The following VCAN variants were observed in gnomAD, a reference collection of about 807,000 sequenced individuals.
VCAN encodes versican.
Under a neutral mutation model 245.5 loss-of-function variants are expected in VCAN, and 44 were observed. The observed-to-expected ratio is 0.18, with a 90% CI of 0.14 to 0.23. VCAN has a LOEUF of 0.23. Among genes scored for constraint, VCAN ranks in the 10% least tolerant of loss-of-function variants. The pLI is 1.00. For missense variants in VCAN, 3,793 were observed against 4,057.9 expected, an observed-to-expected ratio of 0.93 and a Z score of 1.77; for synonymous variants, 1,413 against 1,437.0, an observed-to-expected ratio of 0.98 and a Z score of 0.38.
In VCAN at chr5:83,496,289, A is replaced by T. The variant is rs183531999; in HGVS notation, c.748+2358A>T. Reference sequence around the variant, plus strand: ...CGTCCTCTCCCACTTCCATAAACACAATCACTTCTAAAGAAGCCAGTTTGT... The same window carrying T: ...CGTCCTCTCCCACTTCCATAAACACTATCACTTCTAAAGAAGCCAGTTTGT... On this transcript the variant is annotated intron_variant, in intron 5 of 14. Transcript: ENST00000265077. Among the ~76,000 whole-genome samples the T allele has an allele frequency of 8.8e-4, 134 of 152,342 alleles. 1 individual carries two copies. Among genetic ancestry groups the T allele is most frequent in the Non-Finnish European group, 1.6e-3 (110 of 68,038 alleles).
At chr5:83,506,178 T>A (rs965304106) in intron 5 of VCAN, among the ~76,000 whole-genome samples, 1 of 152,248 alleles carries the variant, frequency 6.6e-6, no homozygotes, top group Non-Finnish European at 1.5e-5. Flanking sequence ...TTGCTACTTA[T>A]GCAAATTTCT....
At chr5:83,512,049 G>T in intron 5 of VCAN, 54 bp from the exon 6 acceptor site, 1 of 1,609,286 alleles carries the variant, frequency 6.2e-7, no homozygotes, top group Non-Finnish European at 8.5e-7. Flanking sequence ...TTATCCAACA[G>T]GAAAGGAATG....
At chr5:83,514,921 C>T (rs984684771) in intron 6 of VCAN, among the ~76,000 whole-genome samples, 2 of 152,176 alleles carry the variant, frequency 1.3e-5, no homozygotes, top group African/African-American at 2.4e-5. Flanking sequence ...ATACAGCTGG[C>T]TGGTTATGTA....
chr5:83,533,037 T>C (rs1746579888), intron 7 of VCAN, among the ~76,000 whole-genome samples: 1 of 152,140 alleles, frequency 6.6e-6, no homozygotes, highest in Non-Finnish European at 1.5e-5. Context: ...ATGCATCCCA[T>C]AACATCATAT....
At position 83,521,864 on chromosome 5, in the gene VCAN, A is replaced by G. The variant is rs766638794; in HGVS notation, c.3558A>G (p.Glu1186=). 6.2e-7 allele frequency: 1 copy of G among 1,614,160 alleles called. No homozygotes were observed. Among genetic ancestry groups the G allele is most frequent in the South Asian group, 1.1e-5 (1 of 91,076 alleles). The part of the protein sequence containing the change: ...EDIDLGSGLF[E]KPKATELIEF... ...TTGATTTAGGCTCAGGATTATTTGAAAAGCCCAAAGCCACAGAACTCATAG... is the reference window on the plus strand; with the variant it reads ...TTGATTTAGGCTCAGGATTATTTGAGAAGCCCAAAGCCACAGAACTCATAG... Residue 1186 remains glutamate (E), a synonymous_variant, in exon 7 of 15, where the codon GAA becomes GAG. Transcript: ENST00000265077.
chr5:83,519,564 G>A lies in VCAN; in HGVS notation c.1258G>A (p.Ala420Thr). 6.2e-7 allele frequency: 1 copy of A among 1,614,134 alleles called. No homozygotes were observed. Among genetic ancestry groups the A allele is most frequent in the Non-Finnish European group, 8.5e-7 (1 of 1,179,990 alleles). Residue 420 changes from alanine (A) to threonine (T), a missense_variant, in exon 7 of 15, where the codon GCC (alanine) becomes ACC (threonine). Physicochemically the swap from Ala to Thr is moderately conservative, Grantham distance 58. Coordinates refer to ENST00000265077, the MANE Select transcript of VCAN (RefSeq NM_004385.5). ...VQPQAITDSL[A>T]TKLPTPTGST... Reference sequence around the variant, plus strand: ...ACCTCAGGCTATCACAGATAGTTTAGCCACCAAATTACCCACACCTACTGG... The same window carrying A: ...ACCTCAGGCTATCACAGATAGTTTAACCACCAAATTACCCACACCTACTGG...
At chr5:83,530,354 C>T (rs1026806650) in intron 7 of VCAN, among the ~76,000 whole-genome samples, 8 of 151,978 alleles carry the variant, frequency 5.3e-5, no homozygotes, top group Non-Finnish European at 1.5e-5. Flanking sequence ...CAAGGAAACC[C>T]CCAGTTCTCT....
chr5:83,473,252 C>G (rs1744258868), intron 1 of VCAN, among the ~76,000 whole-genome samples: 1 of 152,126 alleles, frequency 6.6e-6, no homozygotes, highest in Non-Finnish European at 1.5e-5. Context: ...GGGCGTGGAG[C>G]GGTCTGGGTG....
intron 1 of VCAN, among the ~76,000 whole-genome samples, chr5:83,472,996 G>T (rs1744249547): frequency 6.6e-6 from 1 of 152,182 alleles, no homozygotes; most frequent in South Asian, 2.1e-4. Flanking sequence ...CAGTCCTCTC[G>T]CCCAGACTAC....
intron 7 of VCAN, among the ~76,000 whole-genome samples, chr5:83,525,166 A>G (rs1417880255): frequency 1.3e-5 from 2 of 151,646 alleles, no homozygotes; most frequent in African/African-American, 2.4e-5. Context: ...GGGCAACTGT[A>G]GTTAGCAGTT....
In VCAN at chr5:83,540,322, A is replaced by T; in HGVS notation, c.7319A>T (p.Asp2440Val). The T allele has an allele frequency of 6.2e-7, 1 of 1,614,056 alleles. No homozygotes were observed. Among genetic ancestry groups the T allele is most frequent in the South Asian group, 1.1e-5 (1 of 91,074 alleles). The change falls in exon 8 of 15, where the codon GAT becomes GTT. Residue 2440 changes from aspartate (D) to valine (V), a missense_variant. Asp to Val is a radical substitution (Grantham distance 152, BLOSUM62 -3). This residue lies in a region of VCAN where 3,182 missense variants were observed against 3,250.3 expected (regional missense o/e 0.98). Coordinates refer to ENST00000265077, the MANE Select transcript of VCAN (RefSeq NM_004385.5). ...GGATCTGGAGAAGTGGATATTGTTGATTCATTTCACACTTCTGCAACTACT... is the reference window on the plus strand; with the variant it reads ...GGATCTGGAGAAGTGGATATTGTTGTTTCATTTCACACTTCTGCAACTACT... ...GEGSGEVDIV[D>V]SFHTSATTQA... is the part of the protein sequence containing the mutation.
chr5:83,553,508 A>G lies in VCAN; in HGVS notation c.9638A>G (p.Gln3213Arg). 6.2e-7 allele frequency: 1 copy of G among 1,614,092 alleles called. No individual in the cohort carries two copies. The highest frequency in any genetic ancestry group is 8.5e-7 in the Non-Finnish European group (1 of 1,179,968). The change falls in exon 11 of 15, where the codon CAA becomes CGA. Residue 3213 changes from glutamine (Q) to arginine (R), a missense_variant. Transcript: ENST00000265077. The part of the protein sequence containing the change: ...HLTSILSHEE[Q>R]MFVNRVGHDY... Reference sequence around the variant, plus strand: ...ACAAGCATCCTGTCTCACGAAGAACAAATGTTTGTTAATCGTATGTACCAA... The same window carrying G: ...ACAAGCATCCTGTCTCACGAAGAACGAATGTTTGTTAATCGTATGTACCAA...
chr5:83,496,075 T>C (rs1161495961), intron 5 of VCAN, among the ~76,000 whole-genome samples: 2 of 152,182 alleles, frequency 1.3e-5, no homozygotes, highest in African/African-American at 4.8e-5. Flanking sequence ...GTTTGAAGAA[T>C]TTTTGACAAG....
chr5:83,522,315 T>C lies in VCAN; in HGVS notation c.4003+6T>C. 1.3e-6 allele frequency: 2 copies of C among 1,598,242 alleles called. No homozygotes were observed. The highest frequency in any genetic ancestry group is 1.7e-6 in the Non-Finnish European group (2 of 1,179,792). ...GGTCAGAGAAAATAAGACAGGTAAG[T>C]CTTTGCTTTCTAGACTAGCATTGAA... On this transcript the variant is annotated splice_donor_region_variant and intron_variant, in intron 7 of 14. Transcript: ENST00000265077.
At chr5:83,577,544 A>G (rs1469254406) in intron 13 of VCAN, among the ~76,000 whole-genome samples, 2 of 152,164 alleles carry the variant, frequency 1.3e-5, no homozygotes, top group African/African-American at 4.8e-5. Flanking sequence ...CTTCCCAGGT[A>G]GATCCTGGCA....
chr5:83,492,366 A>G (rs1315731130), intron 3 of VCAN, among the ~76,000 whole-genome samples: 3 of 152,188 alleles, frequency 2.0e-5, no homozygotes, highest in African/African-American at 7.2e-5. Context: ...CCCAAATAAC[A>G]ACAACAACAA....
intron 5 of VCAN, among the ~76,000 whole-genome samples, chr5:83,494,248 T>C (rs2112359724): frequency 6.6e-6 from 1 of 152,306 alleles, no homozygotes; most frequent in South Asian, 2.1e-4. Context: ...GTACCTATTC[T>C]GGTGAGAGCA....
chr5:83,564,328 T>G (rs1747994951), intron 12 of VCAN, among the ~76,000 whole-genome samples: 2 of 152,176 alleles, frequency 1.3e-5, no homozygotes, highest in Admixed American at 1.3e-4. Context: ...GTGGTCGTAT[T>G]GTATTTTGTG....
chr5:83,540,069 G>A lies in VCAN; in HGVS notation c.7066G>A (p.Gly2356Arg), dbSNP rs912315657. The A allele has an allele frequency of 6.2e-6, 10 of 1,613,842 alleles. No individual in the cohort carries two copies. Among genetic ancestry groups the A allele is most frequent in the South Asian group, 2.2e-5 (2 of 91,084 alleles). ...VAPLPFSTDI[G>R]HPQNQTVRWA... ...ACCTCTCCCTTTCTCCACGGACATC[G>A]GACATCCTCAAAATCAGACTGTCAG... The change falls in exon 8 of 15, where the codon GGA (glycine) becomes AGA (arginine). Residue 2356 changes from glycine to arginine, a missense_variant. This residue lies in a region of VCAN where 3,182 missense variants were observed against 3,250.3 expected (regional missense o/e 0.98). Transcript: ENST00000265077.
Sources: allele counts gnomAD v4.1 joint callset (sites outside exome capture counted in the v4.1 genomes callset), GRCh38; gene constraint gnomAD v4.1.1; regional missense constraint gnomAD v4.1.1; transcripts MANE v1.5; gene names NCBI Gene and HGNC (gene_info 2026-07-23, HGNC 2026-07-21).